Variants in ARHGEF17 observed in about 807,000 individuals in gnomAD.
ARHGEF17 encodes the protein 164 kDa Rho-specific guanine-nucleotide exchange factor.
A neutral mutation model predicts 174.0 loss-of-function variants in ARHGEF17; 80 were observed. The ratio of observed to expected loss-of-function variants is 0.46; its 90% CI spans 0.38 to 0.55. The LOEUF (loss-of-function observed/expected upper bound fraction) is 0.55, where lower values mean the gene tolerates loss of function less well. Among genes scored for constraint, ARHGEF17 ranks in the 20% least tolerant of loss-of-function variants. ARHGEF17 has a pLI of 0.00. For missense variants in ARHGEF17, 2,886 were observed against 2,839.7 expected (o/e 1.02, Z -0.37); for synonymous variants, 1,311 against 1,189.1 (o/e 1.10, Z -2.11).
chr11:73,323,837 G>T (rs1865058174), intron 1 of ARHGEF17, among the ~76,000 whole-genome samples: 1 of 152,266 alleles, frequency 6.6e-6, no homozygotes, highest in South Asian at 2.1e-4. Context: ...CCTGGACGTG[G>T]TGCCTGGGCA....
intron 2 of ARHGEF17, among the ~76,000 whole-genome samples, chr11:73,349,748 CCCAGACCCGT>C (rs1416080737): frequency 6.6e-6 from 1 of 152,212 alleles, no homozygotes; most frequent in Non-Finnish European, 1.5e-5. Flanking sequence ...CGCCAAATCT[CCCAGACCCGT>C]CCAGGGCTGC....
rs2134426958 is a variant in ARHGEF17, at chr11:73,368,744, C to T, written c.*964C>T. 6.6e-6 allele frequency: 1 copy of T among 152,626 alleles called. No individual in the cohort carries two copies. The highest frequency in any genetic ancestry group is 3.4e-3 in the Middle Eastern group (1 of 294). The allele number at this position is 152,626 out of a possible 1,614,324, so 9.5% of individuals were successfully genotyped here. ...CCTCTGACCACTGAATCCGTCTCCA[C>T]ACCCCTTCTGCCAAGGGAAGCCCCT... On this transcript the variant is annotated 3_prime_UTR_variant, in exon 21 of 21. Transcript: ENST00000263674.
In ARHGEF17 at chr11:73,369,268, T is replaced by A. The variant is rs1865892073; in HGVS notation, c.*1488T>A. On this transcript the variant is annotated 3_prime_UTR_variant, in exon 21 of 21. Transcript: ENST00000263674. ...CCTGGGCAGGTGGCTGGGCTGCAGT[T>A]TCCTCATCAGGAAAATAAAGGGGTT... 1 of 152,282 alleles carries A rather than the reference T, an allele frequency of 6.6e-6. No homozygotes were observed. 9.4% of individuals were successfully genotyped at this position (152,282 alleles called of 1,614,324 possible). A position where few individuals can be genotyped will look rare whatever the true frequency, so the allele number is the denominator to read the frequency against.
At chr11:73,341,868 C>T (rs1326966469) in intron 1 of ARHGEF17, among the ~76,000 whole-genome samples, 1 of 152,110 alleles carries the variant, frequency 6.6e-6, no homozygotes, top group Non-Finnish European at 1.5e-5. Flanking sequence ...GTGAGCGTGG[C>T]AGCGTGCAGC....
intron 1 of ARHGEF17, chr11:73,343,025 G>A (rs1189927006): frequency 3.8e-6 from 1 of 263,522 alleles, no homozygotes; most frequent in East Asian, 6.9e-5. Flanking sequence ...GGCTGCCGCC[G>A]CGGCCGGGCT....
At chr11:73,346,786 G>A in intron 1 of ARHGEF17, 97 bp from the exon 2 acceptor site, 1 of 967,540 alleles carries the variant, frequency 1.0e-6, no homozygotes, top group Non-Finnish European at 1.4e-6. Context: ...AGGGCAGGGA[G>A]AGGGTGTGGG....
chr11:73,368,000 G>C lies in ARHGEF17; in HGVS notation c.*220G>C. 1.9e-6 allele frequency: 1 copy of C among 519,868 alleles called. No homozygotes were observed. Among genetic ancestry groups the C allele is most frequent in the Non-Finnish European group, 3.4e-6 (1 of 291,682 alleles). 32.2% of individuals were successfully genotyped at this position (519,868 alleles called of 1,614,324 possible). A position where few individuals can be genotyped will look rare whatever the true frequency, so the allele number is the denominator to read the frequency against. ...CCCTCTGGCTGCCCCGGTGCTTCCAGTCATGATCGGGTGGGGGACATGTGG... is the reference window on the plus strand; with the variant it reads ...CCCTCTGGCTGCCCCGGTGCTTCCACTCATGATCGGGTGGGGGACATGTGG... On this transcript the variant is annotated 3_prime_UTR_variant, in exon 21 of 21. Coordinates refer to ENST00000263674, the MANE Select transcript of ARHGEF17 (RefSeq NM_014786.4).
At chr11:73,326,461 TTTGGGAGGCCGAGG>T (rs986004158) in intron 1 of ARHGEF17, among the ~76,000 whole-genome samples, 1 of 152,124 alleles carries the variant, frequency 6.6e-6, no homozygotes, top group African/African-American at 2.4e-5. Context: ...ATCCCAGCAC[TTTGGGAGGCCGAGG>T]TTGGGAGGCC....
At chr11:73,328,514 C>G (rs954637049) in intron 1 of ARHGEF17, among the ~76,000 whole-genome samples, 1 of 152,152 alleles carries the variant, frequency 6.6e-6, no homozygotes, top group Non-Finnish European at 1.5e-5. Flanking sequence ...GCCCTGAGGT[C>G]GCTCTACCCA....
At chr11:73,367,506 T>G in intron 20 of ARHGEF17, 78 bp from the exon 21 acceptor site, 1 of 1,238,236 alleles carries the variant, frequency 8.1e-7, no homozygotes, top group Non-Finnish European at 1.1e-6. Context: ...TCTTCTGGGG[T>G]GTGGGAATTC....
intron 1 of ARHGEF17, among the ~76,000 whole-genome samples, chr11:73,335,884 T>C (rs1865279414): frequency 6.6e-6 from 1 of 152,216 alleles, no homozygotes; most frequent in Non-Finnish European, 1.5e-5. Flanking sequence ...TGGAGAGGAA[T>C]TTGGCTAAAG....
chr11:73,308,564 C>G lies in ARHGEF17; in HGVS notation c.-75C>G. On this transcript the variant is annotated 5_prime_UTR_variant, in exon 1 of 21. Transcript: ENST00000263674. ...TGCTTTCGGCGTGGGCCGCTGCGCT[C>G]CTAGGGAGTGGGGGCGCAGGGGGGG... 1.5e-6 allele frequency: 2 copies of G among 1,297,454 alleles called. No individual in the cohort carries two copies. Among genetic ancestry groups the G allele is most frequent in the Non-Finnish European group, 2.0e-6 (2 of 1,003,184 alleles). 80.4% of individuals were successfully genotyped at this position (1,297,454 alleles called of 1,614,324 possible). A position where few individuals can be genotyped will look rare whatever the true frequency, so the allele number is the denominator to read the frequency against.
At chr11:73,335,873 G>A (rs1371534353) in intron 1 of ARHGEF17, among the ~76,000 whole-genome samples, 1 of 152,228 alleles carries the variant, frequency 6.6e-6, no homozygotes, top group East Asian at 1.9e-4. Context: ...GAATCCCAGA[G>A]TGGAGAGGAA....
Position 73,367,882 on chromosome 11 carries a change from G to C in ARHGEF17, c.*102G>C. The C allele has an allele frequency of 1.6e-6, 2 of 1,276,724 alleles. No homozygotes were observed. 79.1% of individuals were successfully genotyped at this position (1,276,724 alleles called of 1,614,324 possible). ...CTTTGACCAGGAGTATCCAGCCAGG[G>C]GCACACATGTGCCTGCGTGGGCTCT... On this transcript the variant is annotated 3_prime_UTR_variant, in exon 21 of 21. Transcript: ENST00000263674.
rs1864771774 is a variant in ARHGEF17, at chr11:73,309,621, A to C, written c.983A>C (p.Glu328Ala). Residue 328 changes from glutamate to alanine, a missense_variant, in exon 1 of 21, where the codon GAG becomes GCG. Transcript: ENST00000263674. Reference protein sequence around the residue: ...MNSAGVSGSPEPPTSPRAPRE... With the variant: ...MNSAGVSGSPAPPTSPRAPRE... ...TCAGCAGGGGTTTCTGGGAGCCCTG[A>C]GCCCCCAACATCTCCAAGAGCCCCT... 1 of 1,612,932 alleles carries C rather than the reference A, an allele frequency of 6.2e-7. No individual in the cohort carries two copies. Among genetic ancestry groups the C allele is most frequent in the Non-Finnish European group, 8.5e-7 (1 of 1,180,010 alleles).
In ARHGEF17 at chr11:73,355,204, G is replaced by A. The variant is rs567748308; in HGVS notation, c.3454-329G>A. Among the ~76,000 whole-genome samples, 150 of 152,358 alleles carry A rather than the reference G, an allele frequency of 9.8e-4. 1 individual carries two copies. Among genetic ancestry groups the A allele is most frequent in the South Asian group, 3.7e-3 (18 of 4,826 alleles). ...AGGGAGACCTGCCTGGCTGGACTTCGTGAGGGTGGAGGTCTAGGGATGGAA... is the reference window on the plus strand; with the variant it reads ...AGGGAGACCTGCCTGGCTGGACTTCATGAGGGTGGAGGTCTAGGGATGGAA... On this transcript the variant is annotated intron_variant, in intron 3 of 20. Coordinates refer to ENST00000263674, the MANE Select transcript of ARHGEF17 (RefSeq NM_014786.4).
At chr11:73,320,623 C>T (rs986633606) in intron 1 of ARHGEF17, among the ~76,000 whole-genome samples, 5 of 128,096 alleles carry the variant, frequency 3.9e-5, no homozygotes, top group African/African-American at 1.4e-4. Flanking sequence ...AGCGAGACTC[C>T]GTCTCAAAAA....
intron 1 of ARHGEF17, among the ~76,000 whole-genome samples, chr11:73,318,523 G>A (rs962513507): frequency 2.0e-5 from 3 of 152,154 alleles, no homozygotes; most frequent in Admixed American, 6.5e-5. Context: ...CCCGCTACTC[G>A]AGAGGCTGAG....
chr11:73,339,161 T>C (rs1249106245), intron 1 of ARHGEF17, among the ~76,000 whole-genome samples: 2 of 152,240 alleles, frequency 1.3e-5, no homozygotes, highest in Non-Finnish European at 2.9e-5. Context: ...TTGCCATTTC[T>C]TTCTCAGTTC....
Sources: gnomAD v4.1 joint callset for allele counts (sites outside exome capture counted in the v4.1 genomes callset) on GRCh38, gnomAD v4.1.1 for gene constraint, MANE v1.5 for transcripts, NCBI Gene and HGNC (gene_info 2026-07-23, HGNC 2026-07-21) for gene names.